LIN52: variants seen among roughly 807,000 people sequenced by gnomAD.
LIN52 encodes lin-52 DREAM MuvB core complex component.
In LIN52, 4 loss-of-function variants were observed where a neutral mutation model predicts 18.5. That is an observed-to-expected ratio of 0.22 (90% CI 0.11 to 0.49). The LOEUF is 0.49. Ranked by LOEUF, LIN52 falls within the 20% of genes least tolerant of loss-of-function variation. The probability of loss-of-function intolerance (pLI) is 0.97; values close to 1 mark genes in which losing one functional copy is unlikely to be tolerated. For missense variants in LIN52, 102 were observed against 139.5 expected (o/e 0.73, Z 1.35); for synonymous variants, 34 against 45.5 (o/e 0.75, Z 1.02).
chr14:74,096,368 T>C (rs2060812710), intron 3 of LIN52, among the ~76,000 whole-genome samples: 1 of 152,040 alleles, frequency 6.6e-6, no homozygotes, highest in Admixed American at 6.6e-5. Flanking sequence ...CCTTTTAAAA[T>C]TTTTTGTGGA....
intron 5 of LIN52, among the ~76,000 whole-genome samples, chr14:74,191,720 G>A (rs1369583121): frequency 6.7e-6 from 1 of 150,176 alleles, no homozygotes; most frequent in Non-Finnish European, 1.5e-5. Context: ...TGCAAGCTCC[G>A]CCTCCCGGGT....
chr14:74,169,865 T>C (rs1047073142), intron 5 of LIN52, among the ~76,000 whole-genome samples: 4 of 152,166 alleles, frequency 2.6e-5, no homozygotes, highest in Non-Finnish European at 5.9e-5. Context: ...CTGTATTTCA[T>C]TGTAAAAGAA....
chr14:74,122,685 G>A (rs2061006904), intron 5 of LIN52, among the ~76,000 whole-genome samples: 1 of 152,098 alleles, frequency 6.6e-6, no homozygotes, highest in South Asian at 2.1e-4. Flanking sequence ...GACCAACATG[G>A]TGAAACCCTG....
intron 5 of LIN52, among the ~76,000 whole-genome samples, chr14:74,107,612 G>A (rs192843308): frequency 6.6e-6 from 1 of 151,762 alleles, no homozygotes; most frequent in East Asian, 1.9e-4. Context: ...CTCAGTCCTT[G>A]GACTGATTGT....
intron 5 of LIN52, among the ~76,000 whole-genome samples, chr14:74,152,506 G>T (rs146912259): frequency 6.6e-6 from 1 of 152,080 alleles, no homozygotes; most frequent in East Asian, 1.9e-4. Flanking sequence ...AGCCCTGTAA[G>T]TTGGAACATT....
chr14:74,111,919 C>T (rs1434057705), intron 5 of LIN52, among the ~76,000 whole-genome samples: 4 of 150,968 alleles, frequency 2.6e-5, no homozygotes, highest in African/African-American at 7.3e-5. Context: ...TCGCTCTTGT[C>T]GCCCAGGCTG....
chr14:74,160,723 T>C (rs2061220561), intron 5 of LIN52, among the ~76,000 whole-genome samples: 1 of 152,230 alleles, frequency 6.6e-6, no homozygotes, highest in African/African-American at 2.4e-5. Context: ...TACTGGATTA[T>C]AACCAATCTA....
chr14:74,117,469 A>G (rs1397926556), intron 5 of LIN52, among the ~76,000 whole-genome samples: 1 of 148,134 alleles, frequency 6.8e-6, no homozygotes, highest in Non-Finnish European at 1.5e-5. Flanking sequence ...ATGGACCTGG[A>G]TTTCTTTTTT....
At chr14:74,086,549 G>C (rs140602643) in intron 1 of LIN52, among the ~76,000 whole-genome samples, 1,861 of 152,130 alleles carry the variant, frequency 0.012, 40 homozygotes, top group African/African-American at 0.042. Flanking sequence ...AGCTACTTGG[G>C]GGGGCTGAGG....
intron 5 of LIN52, among the ~76,000 whole-genome samples, chr14:74,156,813 C>T (rs1314768502): frequency 6.6e-6 from 1 of 152,158 alleles, no homozygotes; most frequent in Non-Finnish European, 1.5e-5. Flanking sequence ...CCCTCCCCTT[C>T]CTAGCCTCCA....
intron 5 of LIN52, among the ~76,000 whole-genome samples, chr14:74,138,385 A>G (rs1378844182): frequency 6.6e-6 from 1 of 152,216 alleles, no homozygotes; most frequent in Non-Finnish European, 1.5e-5. Flanking sequence ...AACAGACTAG[A>G]GAGATGAGTC....
At chr14:74,116,398 A>G (rs1418016624) in intron 5 of LIN52, among the ~76,000 whole-genome samples, 2 of 152,166 alleles carry the variant, frequency 1.3e-5, no homozygotes, top group Non-Finnish European at 2.9e-5. Context: ...GTAGAATACA[A>G]TGTGGTCATT....
At chr14:74,197,518 A>G (rs2078921534) in intron 5 of LIN52, among the ~76,000 whole-genome samples, 2 of 152,162 alleles carry the variant, frequency 1.3e-5, no homozygotes, top group South Asian at 2.1e-4. Flanking sequence ...AGACAACCAT[A>G]TAAGCTAGTA....
At chr14:74,102,015 T>A (rs1217815136) in intron 5 of LIN52, among the ~76,000 whole-genome samples, 4 of 152,108 alleles carry the variant, frequency 2.6e-5, no homozygotes, top group Non-Finnish European at 4.4e-5. Flanking sequence ...GTTTAAGTGA[T>A]CTTCCTGCCT....
chr14:74,196,422 T>G (rs1421834116), intron 5 of LIN52, among the ~76,000 whole-genome samples: 1 of 152,198 alleles, frequency 6.6e-6, no homozygotes, highest in Non-Finnish European at 1.5e-5. Context: ...AGCAATGCAG[T>G]GCTCCAGGCC....
intron 5 of LIN52, among the ~76,000 whole-genome samples, chr14:74,148,720 C>T: frequency 6.6e-6 from 1 of 151,656 alleles, no homozygotes; most frequent in East Asian, 1.9e-4. Flanking sequence ...TTGTTAGTAT[C>T]CCAGTTTGTT....
chr14:74,165,086 CA>C (rs200429267), intron 5 of LIN52, among the ~76,000 whole-genome samples: 3 of 149,918 alleles, frequency 2.0e-5, no homozygotes, highest in African/African-American at 4.9e-5. Flanking sequence ...TCAGGGAAAA[CA>C]AAAAAAAATG....
chr14:74,165,734 C>T (rs1285835055), intron 5 of LIN52, among the ~76,000 whole-genome samples: 2 of 151,860 alleles, frequency 1.3e-5, no homozygotes, highest in East Asian at 1.9e-4. Context: ...CTATCGAACT[C>T]CTGGCCTCAA....
chr14:74,181,542 T>G (rs1367059836), intron 5 of LIN52, among the ~76,000 whole-genome samples: 2 of 152,332 alleles, frequency 1.3e-5, no homozygotes, highest in East Asian at 3.9e-4. Flanking sequence ...TAATTTATTT[T>G]AAGATCCTAA....
Sources: gnomAD v4.1 joint callset for allele counts (sites outside exome capture counted in the v4.1 genomes callset) on GRCh38, gnomAD v4.1.1 for gene constraint, MANE v1.5 for transcripts, NCBI Gene and HGNC (gene_info 2026-07-23, HGNC 2026-07-21) for gene names.